The following COL11A1 variants were observed in gnomAD, a reference collection of about 807,000 sequenced individuals.
COL11A1 encodes collagen type XI alpha 1 chain.
COL11A1 carries 74 observed loss-of-function variants against 265.2 expected under a neutral mutation model. The observed-to-expected ratio is 0.28, with a 90% CI of 0.23 to 0.34. The LOEUF (loss-of-function observed/expected upper bound fraction) is 0.34. Among genes scored for constraint, COL11A1 ranks in the 10% least tolerant of loss-of-function variants. The pLI is 1.00. For missense variants in COL11A1, 2,165 were observed against 2,263.6 expected, an observed-to-expected ratio of 0.96 and a Z score of 0.88; for synonymous variants, 816 against 727.6, an observed-to-expected ratio of 1.12 and a Z score of -1.96.
chr1:102,962,706 C>T lies in COL11A1; in HGVS notation c.2971G>A (p.Gly991Ser). Residue 991 changes from glycine to serine, a missense_variant, in exon 39 of 67, where the codon GGC becomes AGC. Gly to Ser is a moderately conservative substitution (Grantham distance 56). Coordinates refer to ENST00000370096, the MANE Select transcript of COL11A1 (RefSeq NM_001854.4). ...GGAAGACCTTGCTCACCAGGAGGGC[C>T]AGGAGGGCCAGGATGCCCACGTTCC... is the stretch of plus-strand genomic sequence containing the variant. ...IGERGHPGPP[G>S]PPGEQGLPGA... The T allele has an allele frequency of 6.2e-7, 1 of 1,614,128 alleles. No individual in the cohort carries two copies. The highest frequency in any genetic ancestry group is 2.2e-5 in the East Asian group (1 of 44,870).
chr1:103,042,646 C>T (rs567201774), intron 4 of COL11A1, among the ~76,000 whole-genome samples: 1 of 152,056 alleles, frequency 6.6e-6, no homozygotes, highest in Non-Finnish European at 1.5e-5. Context: ...TCACAGTAGT[C>T]TGGGACCCTT....
chr1:102,979,079 C>A lies in COL11A1; in HGVS notation c.2636G>T (p.Arg879Leu). Reference protein sequence around the residue: ...ARGVAGKPGPRGQRGPTGPRG... With the variant: ...ARGVAGKPGPLGQRGPTGPRG... ...ACCTACCGTTGGACCACGCTGACCC[C>A]GAGGGCCTGGTTTGCCAGCTACTCC... is the stretch of plus-strand genomic sequence containing the variant. Residue 879 changes from arginine to leucine, a missense_variant, in exon 33 of 67, where the codon CGG (arginine) becomes CTG (leucine). Coordinates refer to ENST00000370096, the MANE Select transcript of COL11A1 (RefSeq NM_001854.4). 1 of 1,614,070 alleles carries A rather than the reference C, an allele frequency of 6.2e-7. No homozygotes were observed. Among genetic ancestry groups the A allele is most frequent in the Non-Finnish European group, 8.5e-7 (1 of 1,180,002 alleles).
In COL11A1 at chr1:102,971,920, T is replaced by C. The variant is rs990190754; in HGVS notation, c.2809-1648A>G. Among the ~76,000 whole-genome samples the C allele has an allele frequency of 9.2e-5, 14 of 152,194 alleles. 1 individual carries two copies. Among genetic ancestry groups the C allele is most frequent in the Admixed American group, 9.2e-4 (14 of 15,278 alleles). ...CAAGGACCCAAAACATTCTTGGATG[T>C]CATTTAACCATGGCTTCTTTAAAAA... On this transcript the variant is annotated intron_variant, in intron 36 of 66. Coordinates refer to ENST00000370096, the MANE Select transcript of COL11A1 (RefSeq NM_001854.4).
intron 54 of COL11A1, among the ~76,000 whole-genome samples, chr1:102,909,393 A>G (rs1570697102): frequency 1.3e-5 from 2 of 152,152 alleles, no homozygotes; most frequent in African/African-American, 4.8e-5. Flanking sequence ...GAGCTAGATA[A>G]ACCTCTTTTC....
At chr1:103,065,574 A>AG (rs1491438822) in intron 4 of COL11A1, among the ~76,000 whole-genome samples, 1 of 15,856 alleles carries the variant, frequency 6.3e-5, no homozygotes, top group African/African-American at 1.4e-4. Flanking sequence ...ACAAACAAAC[A>AG]AAAAAAATAG....
chr1:102,933,574 C>T (rs980672777), intron 46 of COL11A1, among the ~76,000 whole-genome samples: 83 of 152,332 alleles, frequency 5.4e-4, no homozygotes, highest in African/African-American at 1.9e-3. Flanking sequence ...AGAGGTGGAG[C>T]CTACAGAGGC....
chr1:102,961,182 C>T (rs751213691), intron 41 of COL11A1, among the ~76,000 whole-genome samples: 18 of 151,706 alleles, frequency 1.2e-4, no homozygotes, highest in Non-Finnish European at 2.2e-4. Context: ...TTTCAGTGTG[C>T]AGATAAGAAT....
At chr1:102,930,274 C>T (rs1406223759) in intron 46 of COL11A1, among the ~76,000 whole-genome samples, 5 of 151,734 alleles carry the variant, frequency 3.3e-5, no homozygotes, top group East Asian at 1.9e-4. Context: ...CCATCAATAC[C>T]TAATTTATTG....
At chr1:102,916,733 T>C (rs1343862501) in intron 49 of COL11A1, among the ~76,000 whole-genome samples, 1 of 151,962 alleles carries the variant, frequency 6.6e-6, no homozygotes, top group Non-Finnish European at 1.5e-5. Flanking sequence ...CAAGTACTTT[T>C]CCAGAGTTTA....
intron 1 of COL11A1, among the ~76,000 whole-genome samples, chr1:103,087,766 C>A (rs1672994040): frequency 6.6e-6 from 1 of 152,192 alleles, no homozygotes; most frequent in Non-Finnish European, 1.5e-5. Context: ...TGGGTTAGAT[C>A]TGCTAACCTC....
intron 18 of COL11A1, among the ~76,000 whole-genome samples, chr1:103,005,262 G>C (rs1275300288): frequency 6.6e-6 from 1 of 152,014 alleles, no homozygotes; most frequent in Non-Finnish European, 1.5e-5. Flanking sequence ...AAGATGTGAA[G>C]ATCTAAAGCT....
chr1:103,035,207 A>T (rs1444774949), intron 4 of COL11A1, among the ~76,000 whole-genome samples: 1 of 152,040 alleles, frequency 6.6e-6, no homozygotes, highest in Non-Finnish European at 1.5e-5. Flanking sequence ...GGTATCCTAG[A>T]TGATCAGATT....
chr1:102,883,156 C>A, intron 64 of COL11A1, 43 bp downstream of exon 64: 1 of 1,269,582 alleles, frequency 7.9e-7, no homozygotes, highest in Non-Finnish European at 1.2e-6. Flanking sequence ...CAAAACATGG[C>A]AGGAACTGTC....
intron 36 of COL11A1, among the ~76,000 whole-genome samples, chr1:102,971,720 T>C (rs1324010907): frequency 6.6e-6 from 1 of 152,070 alleles, no homozygotes; most frequent in Non-Finnish European, 1.5e-5. Flanking sequence ...AGAACCATCT[T>C]TGCTCCCTTA....
rs1674877552 is a variant in COL11A1 at position 103,108,313 on chromosome 1, G to A, written c.-135C>T. On this transcript the variant is annotated 5_prime_UTR_variant, in exon 1 of 67. Transcript: ENST00000370096. ...GGAGGGAGAGGGGGAAAAAGTCAAA[G>A]GGCTTTTTCTTCTAAATTTGATGGT... 2 of 724,378 alleles carry A rather than the reference G, an allele frequency of 2.8e-6. No homozygotes were observed. The highest frequency in any genetic ancestry group is 2.0e-5 in the Admixed American group (1 of 49,412). 44.9% of individuals were successfully genotyped at this position (724,378 alleles called of 1,614,324 possible). A position where few individuals can be genotyped will look rare whatever the true frequency, so the allele number is the denominator to read the frequency against.
chr1:103,070,413 T>C (rs1023691474), intron 4 of COL11A1, among the ~76,000 whole-genome samples: 1 of 151,532 alleles, frequency 6.6e-6, no homozygotes, highest in Non-Finnish European at 1.5e-5. Context: ...TTCGACATAC[T>C]ATTAATAACA....
chr1:103,075,670 A>G (rs1202116818), intron 3 of COL11A1, among the ~76,000 whole-genome samples: 1 of 151,890 alleles, frequency 6.6e-6, no homozygotes, highest in Non-Finnish European at 1.5e-5. Flanking sequence ...TCTGCAAGCC[A>G]GTCTGGTTTA....
In COL11A1 at chr1:102,878,050, A is replaced by G. The variant is rs1478223213; in HGVS notation, c.5390T>C (p.Phe1797Ser). ...DFGDQNQKFGFEVGPVCFLG is the reference protein window; with the variant it reads ...DFGDQNQKFGSEVGPVCFLG The stretch of plus-strand genomic sequence containing the variant: ...AAGAAAACAAACAGGACCAACTTCA[A>G]ATCCGAACTTCTGATTCTGATCACC... Residue 1797 changes from phenylalanine to serine, a missense_variant, in exon 67 of 67, where the codon TTT (phenylalanine) becomes TCT (serine). Transcript: ENST00000370096. The G allele has an allele frequency of 6.2e-7, 1 of 1,613,702 alleles. No individual in the cohort carries two copies. Among genetic ancestry groups the G allele is most frequent in the East Asian group, 2.2e-5 (1 of 44,824 alleles).
intron 4 of COL11A1, among the ~76,000 whole-genome samples, chr1:103,060,228 C>T (rs1021198308): frequency 6.6e-5 from 10 of 152,000 alleles, no homozygotes; most frequent in African/African-American, 2.4e-4. Context: ...AAAAATACCA[C>T]CAAACTAGAA....
Sources: gnomAD v4.1 joint callset for allele counts (sites outside exome capture counted in the v4.1 genomes callset) on GRCh38, gnomAD v4.1.1 for gene constraint, MANE v1.5 for transcripts, NCBI Gene and HGNC (gene_info 2026-07-23, HGNC 2026-07-21) for gene names.